The following ZC3H11A variants were observed in gnomAD, a reference collection of about 807,000 sequenced individuals.
The protein encoded by ZC3H11A is zinc finger CCCH-type containing 11A.
ZC3H11A carries 22 observed loss-of-function variants against 90.8 expected under a neutral mutation model. The observed-to-expected ratio is 0.24, with a 90% CI of 0.17 to 0.35. The LOEUF (loss-of-function observed/expected upper bound fraction) is 0.35, where lower values mean the gene tolerates loss of function less well. Ranked by LOEUF, ZC3H11A falls within the 10% of genes least tolerant of loss-of-function variation. The pLI, the probability that ZC3H11A is intolerant of heterozygous loss-of-function variation, is 1.00. For synonymous variants in ZC3H11A, 294 were observed against 339.8 expected (o/e 0.87, Z 1.48); for missense variants, 701 against 964.9 (o/e 0.73, Z 3.62).
chr1:203,821,812 C>T lies in ZC3H11A; in HGVS notation c.174+3123C>T, dbSNP rs531062032. Among the ~76,000 whole-genome samples the T allele has an allele frequency of 4.0e-5, 6 of 151,342 alleles. No individual in the cohort carries two copies. The South Asian group carries it at 1.3e-3, about 32-fold the overall frequency. On this transcript the variant is annotated intron_variant, in intron 4 of 17. Coordinates refer to ENST00000367210, the MANE Select transcript of ZC3H11A (RefSeq NM_001376342.1). ...TTGCTCTATCACCCAGGCTGGAGTG[C>T]AGTGGCGCGATCTCCGCTCACTGCA...
intron 4 of ZC3H11A, 108 bp from the exon 5 acceptor site, chr1:203,828,191 T>C: frequency 7.6e-7 from 1 of 1,311,728 alleles, no homozygotes. Context: ...TCATCTCACA[T>C]GCCTCGGATT....
chr1:203,810,444 G>T (rs1222671302), intron 2 of ZC3H11A, among the ~76,000 whole-genome samples: 1 of 140,136 alleles, frequency 7.1e-6, no homozygotes, highest in Non-Finnish European at 1.5e-5. Context: ...TTTTGAGACA[G>T]AGTCTCACTC....
intron 4 of ZC3H11A, among the ~76,000 whole-genome samples, chr1:203,819,089 T>TACACACACACAC (rs200302232): frequency 1.7e-4 from 24 of 140,958 alleles, no homozygotes; most frequent in African/African-American, 5.4e-4. Flanking sequence ...TATATATATA[T>TACACACACACAC]ACACACACAC....
intron 12 of ZC3H11A, 82 bp downstream of exon 12, chr1:203,840,456 C>T (rs1050779607): frequency 3.7e-6 from 5 of 1,354,382 alleles, no homozygotes; most frequent in African/African-American, 3.0e-5. Context: ...TTACCTGTTG[C>T]TTGCTAGGGC....
chr1:203,838,046 G>A lies in ZC3H11A; in HGVS notation c.955G>A (p.Asp319Asn). ...KKVEAPETNI[D>N]KTPKKAQVSK... ...AGTTGAAGCTCCAGAAACTAACATT[G>A]ACAAAACACCAAAGAAAGGTACCTG... Residue 319 changes from aspartate to asparagine, a missense_variant, in exon 11 of 18, where the codon GAC becomes AAC. Transcript: ENST00000367210. The A allele has an allele frequency of 6.2e-7, 1 of 1,614,168 alleles. No individual in the cohort carries two copies. The highest frequency in any genetic ancestry group is 1.1e-5 in the South Asian group (1 of 91,078).
intron 4 of ZC3H11A, among the ~76,000 whole-genome samples, chr1:203,819,087 TATACACAC>T (rs1487812221): frequency 9.7e-5 from 4 of 41,418 alleles, no homozygotes; most frequent in Admixed American, 3.2e-4. Flanking sequence ...AATATATATA[TATACACAC>T]ACACACACAC....
chr1:203,832,878 C>T (rs1437946757), intron 9 of ZC3H11A, among the ~76,000 whole-genome samples: 2 of 152,188 alleles, frequency 1.3e-5, no homozygotes, highest in Non-Finnish European at 2.9e-5. Flanking sequence ...AGGATAGTTT[C>T]AGCTTTATAA....
At chr1:203,828,219 C>T in intron 4 of ZC3H11A, 80 bp from the exon 5 acceptor site, 46 of 1,559,658 alleles carry the variant, frequency 2.9e-5, no homozygotes, top group Middle Eastern at 1.8e-4. Flanking sequence ...CCTGTATGAA[C>T]TTTGTCTAGA....
chr1:203,844,581 T>G (rs1572337436), intron 12 of ZC3H11A, among the ~76,000 whole-genome samples: 2 of 152,208 alleles, frequency 1.3e-5, no homozygotes, highest in Non-Finnish European at 2.9e-5. Context: ...AATATTGTTG[T>G]TTTTCCATAG....
chr1:203,813,979 T>C (rs1675389677), intron 2 of ZC3H11A, among the ~76,000 whole-genome samples: 1 of 152,142 alleles, frequency 6.6e-6, no homozygotes, highest in South Asian at 2.1e-4. Context: ...TTGTTTTTTT[T>C]TTTTGCAATA....
chr1:203,824,265 T>C (rs1345237000), intron 4 of ZC3H11A, among the ~76,000 whole-genome samples: 2 of 110,746 alleles, frequency 1.8e-5, no homozygotes, highest in Non-Finnish European at 3.7e-5. Context: ...AAGACTCCCA[T>C]CTCAAAATTA....
At chr1:203,819,527 CA>C (rs1223271348) in intron 4 of ZC3H11A, among the ~76,000 whole-genome samples, 23 of 71,196 alleles carry the variant, frequency 3.2e-4, no homozygotes, top group Admixed American at 1.2e-3. Flanking sequence ...CAGCTGACTC[CA>C]ATTTTTTTTT....
chr1:203,844,168 T>C (rs1400600867), intron 12 of ZC3H11A, among the ~76,000 whole-genome samples: 2 of 151,584 alleles, frequency 1.3e-5, no homozygotes, highest in Non-Finnish European at 2.9e-5. Flanking sequence ...TATTTTTTAT[T>C]TTTATTTTTG....
Position 203,847,594 on chromosome 1 carries a change from G to A in ZC3H11A, c.1453G>A (p.Val485Met), listed in dbSNP as rs764942220. The change falls in exon 13 of 18, where the codon GTG (valine) becomes ATG (methionine). Residue 485 changes from valine (V) to methionine (M), a missense_variant. By Grantham distance (21) the Val-to-Met change is conservative. Transcript: ENST00000367210. ...EEIKLEKALR[V>M]QQSSESSTSS... is the part of the protein sequence containing the mutation. ...AATTAAACTGGAGAAGGCACTGAGG[G>A]TGCAGCAGAGCTCTGAGAGCAGCAC... The A allele has an allele frequency of 6.2e-6, 10 of 1,613,660 alleles. No homozygotes were observed. The South Asian group carries it at 8.8e-5, about 14-fold the overall frequency.
chr1:203,841,456 G>C (rs1268658952), intron 12 of ZC3H11A, among the ~76,000 whole-genome samples: 1 of 152,206 alleles, frequency 6.6e-6, no homozygotes, highest in Non-Finnish European at 1.5e-5. Context: ...ATGTTTCAGA[G>C]AGCACGGGGT....
intron 4 of ZC3H11A, among the ~76,000 whole-genome samples, chr1:203,820,796 A>G (rs1678377659): frequency 6.6e-6 from 1 of 152,062 alleles, no homozygotes; most frequent in Non-Finnish European, 1.5e-5. Flanking sequence ...TTTGTTGCAT[A>G]TCATCCCGTG....
In ZC3H11A at chr1:203,801,642, G is replaced by A. The variant is rs1413410803; in HGVS notation, c.-1520G>A. On this transcript the variant is annotated 5_prime_UTR_variant, in exon 2 of 18. Coordinates refer to ENST00000367210, the MANE Select transcript of ZC3H11A (RefSeq NM_001376342.1). Reference sequence around the variant, plus strand: ...CTAGTATTAAGTGTGAGTAAAAGGTGTCCACTTTTTTTTAAGTTTTGATTT... The same window carrying A: ...CTAGTATTAAGTGTGAGTAAAAGGTATCCACTTTTTTTTAAGTTTTGATTT... 1 of 152,428 alleles carries A rather than the reference G, an allele frequency of 6.6e-6. No individual in the cohort carries two copies. Among genetic ancestry groups the A allele is most frequent in the African/African-American group, 2.4e-5 (1 of 41,388 alleles). The allele number at this position is 152,428 out of a possible 1,614,324, so 9.4% of individuals were successfully genotyped here. A position where few individuals can be genotyped will look rare whatever the true frequency, so the allele number is the denominator to read the frequency against.
rs200302232 is a variant in ZC3H11A, at chr1:203,819,089, TAC to T, written c.174+429_174+430del. 5.7e-3 allele frequency among the ~76,000 whole-genome samples: 804 copies of T among 140,984 alleles called. 7 individuals carry two copies. The highest frequency in any genetic ancestry group is 0.016 in the African/African-American group (601 of 37,036). 92.5% of individuals were successfully genotyped at this position (140,984 alleles called of 152,430 possible). A position where few individuals can be genotyped will look rare whatever the true frequency, so the allele number is the denominator to read the frequency against. On this transcript the variant is annotated intron_variant, in intron 4 of 17. Coordinates refer to ENST00000367210, the MANE Select transcript of ZC3H11A (RefSeq NM_001376342.1). ...TCTCAAAAAAAAAAATATATATATA[TAC>T]ACACACACACACACACACACACACA...
intron 15 of ZC3H11A, 31 bp downstream of exon 15, chr1:203,850,057 G>T (rs1273028598): frequency 6.3e-7 from 1 of 1,594,474 alleles, no homozygotes; most frequent in African/African-American, 1.3e-5. Context: ...TATTGCTTTA[G>T]GTTATCAAAA....
Sources: allele counts gnomAD v4.1 joint callset (sites outside exome capture counted in the v4.1 genomes callset), GRCh38; gene constraint gnomAD v4.1.1; transcripts MANE v1.5; gene names NCBI Gene and HGNC (gene_info 2026-07-23, HGNC 2026-07-21).